The following PRKG1 variants were observed in gnomAD, a reference collection of about 807,000 sequenced individuals.
PRKG1 encodes the protein protein kinase cGMP-dependent 1.
PRKG1 carries 35 observed loss-of-function variants against 88.1 expected under a neutral mutation model. That is an observed-to-expected ratio of 0.40 (90% CI 0.30 to 0.53). PRKG1 has a LOEUF of 0.53. Ranked by LOEUF, PRKG1 falls within the 20% of genes least tolerant of loss-of-function variation. PRKG1 has a pLI of 0.59. For missense variants in PRKG1, 540 were observed against 839.8 expected, an observed-to-expected ratio of 0.64 and a Z score of 4.41; for synonymous variants, 303 against 292.5, an observed-to-expected ratio of 1.04 and a Z score of -0.37.
At chr10:52,247,935 A>T (rs1437695632) in intron 9 of PRKG1, among the ~76,000 whole-genome samples, 1 of 152,246 alleles carries the variant, frequency 6.6e-6, no homozygotes, top group Admixed American at 6.5e-5. Flanking sequence ...AGATTTACCC[A>T]CATATTTATT....
At chr10:52,142,839 C>T (rs906363876) in intron 8 of PRKG1, among the ~76,000 whole-genome samples, 4 of 152,116 alleles carry the variant, frequency 2.6e-5, no homozygotes, top group Admixed American at 1.3e-4. Context: ...ATTTACAACA[C>T]TCGTTTATCT....
intron 14 of PRKG1, among the ~76,000 whole-genome samples, chr10:52,284,192 G>C (rs967121628): frequency 6.6e-6 from 1 of 151,864 alleles, no homozygotes; most frequent in Non-Finnish European, 1.5e-5. Flanking sequence ...CTAAATACTT[G>C]AAAATTTAAA....
intron 2 of PRKG1, among the ~76,000 whole-genome samples, chr10:51,231,134 TGA>T (rs1386983255): frequency 6.6e-6 from 1 of 152,190 alleles, no homozygotes; most frequent in African/African-American, 2.4e-5. Flanking sequence ...GACTCTAGGC[TGA>T]GTCTCCAAAG....
intron 5 of PRKG1, among the ~76,000 whole-genome samples, chr10:52,042,531 T>A (rs1845775644): frequency 6.6e-6 from 1 of 152,130 alleles, no homozygotes; most frequent in Admixed American, 6.5e-5. Flanking sequence ...TGCAGAAGAA[T>A]GAAACTAGAT....
At chr10:51,809,899 C>G (rs1839408951) in intron 4 of PRKG1, among the ~76,000 whole-genome samples, 1 of 152,138 alleles carries the variant, frequency 6.6e-6, no homozygotes, top group Non-Finnish European at 1.5e-5. Context: ...TCCATCTTCT[C>G]CTTCTTTATT....
At chr10:51,527,606 C>T (rs917912707) in intron 3 of PRKG1, among the ~76,000 whole-genome samples, 2 of 152,092 alleles carry the variant, frequency 1.3e-5, no homozygotes, top group African/African-American at 4.8e-5. Context: ...TTTATCTTAT[C>T]GTTCAGCAAA....
intron 2 of PRKG1, among the ~76,000 whole-genome samples, chr10:51,448,848 G>A (rs760001066): frequency 2.2e-4 from 33 of 151,910 alleles, no homozygotes; most frequent in Non-Finnish European, 4.0e-4. Context: ...GAAACACATT[G>A]TTCCACCTGC....
At chr10:51,237,312 T>A (rs975085070) in intron 2 of PRKG1, among the ~76,000 whole-genome samples, 4 of 152,140 alleles carry the variant, frequency 2.6e-5, no homozygotes, top group African/African-American at 9.7e-5. Flanking sequence ...CGCCAAAGAG[T>A]TGCTCTAAAA....
intron 3 of PRKG1, among the ~76,000 whole-genome samples, chr10:51,627,912 C>CCTTCCTTCCCTTCCTTCCCTTCCTTCA (rs1839382061): frequency 2.2e-5 from 3 of 134,286 alleles, no homozygotes; most frequent in Non-Finnish European, 4.9e-5. Context: ...CCCTTCCTTC[C>CCTTCCTTCCCTTCCTTCCCTTCCTTCA]CTTCCTTCCC....
At chr10:52,112,197 T>C (rs1847580664) in intron 7 of PRKG1, among the ~76,000 whole-genome samples, 1 of 152,168 alleles carries the variant, frequency 6.6e-6, no homozygotes, top group Non-Finnish European at 1.5e-5. Flanking sequence ...ACATACTCAC[T>C]CCTAAGGTTT....
intron 9 of PRKG1, among the ~76,000 whole-genome samples, chr10:52,189,600 G>A (rs776582789): frequency 1.3e-5 from 2 of 152,110 alleles, no homozygotes; most frequent in Non-Finnish European, 2.9e-5. Context: ...ATAATATGAG[G>A]TGGTACAGTT....
chr10:51,792,268 C>T (rs541627542), intron 3 of PRKG1, among the ~76,000 whole-genome samples: 40 of 152,054 alleles, frequency 2.6e-4, no homozygotes, highest in Admixed American at 9.2e-4. Flanking sequence ...CACTCTTGAT[C>T]CCGTGTTTAT....
chr10:52,015,834 C>T (rs893666939), intron 5 of PRKG1, among the ~76,000 whole-genome samples: 4 of 152,152 alleles, frequency 2.6e-5, no homozygotes, highest in Admixed American at 6.5e-5. Context: ...CAAAGTTCAA[C>T]GGATCTTTAG....
Position 52,280,782 on chromosome 10 carries a change from A to G in PRKG1, c.1404-7A>G. On this transcript the variant is annotated splice_region_variant and splice_polypyrimidine_tract_variant and intron_variant, in intron 12 of 17. Transcript: ENST00000373980. ...TATACAATTTTCATTCCATTTCTGC[A>G]CCTCAGAGGTTCGTTTGAAGATTCT... 1 of 1,609,192 alleles carries G rather than the reference A, an allele frequency of 6.2e-7. No individual in the cohort carries two copies. Among genetic ancestry groups the G allele is most frequent in the Non-Finnish European group, 8.5e-7 (1 of 1,177,776 alleles).
chr10:51,743,181 A>G (rs1263042446), intron 3 of PRKG1, among the ~76,000 whole-genome samples: 4 of 152,110 alleles, frequency 2.6e-5, no homozygotes, highest in African/African-American at 9.7e-5. Context: ...TACCGGGCCT[A>G]TTTGAAAGGA....
chr10:51,092,209 A>G lies in PRKG1; in HGVS notation c.311+17308A>G, dbSNP rs56930929. Reference sequence around the variant, plus strand: ...AGAAGAGATTTGATTGATGAAATAAAGGAATGGACAAGCATACATGAGAAA... The same window carrying G: ...AGAAGAGATTTGATTGATGAAATAAGGGAATGGACAAGCATACATGAGAAA... On this transcript the variant is annotated intron_variant, in intron 1 of 17. Coordinates refer to ENST00000373980, the MANE Select transcript of PRKG1 (RefSeq NM_006258.4). Among the ~76,000 whole-genome samples, 1,363 of 152,316 alleles carry G rather than the reference A, an allele frequency of 8.9e-3. 18 individuals are homozygous for G. The highest frequency in any genetic ancestry group is 0.031 in the African/African-American group (1,290 of 41,574).
At chr10:51,204,340 C>T (rs1393120017) in intron 2 of PRKG1, among the ~76,000 whole-genome samples, 1 of 150,488 alleles carries the variant, frequency 6.6e-6, no homozygotes, top group East Asian at 2.0e-4. Context: ...ATTGGAACAG[C>T]TTATTTAGAT....
intron 4 of PRKG1, among the ~76,000 whole-genome samples, chr10:51,825,425 A>T (rs541545158): frequency 1.3e-5 from 2 of 152,308 alleles, no homozygotes; most frequent in East Asian, 3.9e-4. Context: ...GAAAAAGTAC[A>T]GTAGGTGTTC....
chr10:51,516,877 G>A (rs1450899830), intron 3 of PRKG1, among the ~76,000 whole-genome samples: 1 of 152,084 alleles, frequency 6.6e-6, no homozygotes, highest in African/African-American at 2.4e-5. Flanking sequence ...GGGGAGGTAG[G>A]CAATAAACAA....
Sources: gnomAD v4.1 joint callset for allele counts (sites outside exome capture counted in the v4.1 genomes callset) on GRCh38, gnomAD v4.1.1 for gene constraint, MANE v1.5 for transcripts, NCBI Gene and HGNC (gene_info 2026-07-23, HGNC 2026-07-21) for gene names.